Variants in CLIC5 observed in about 807,000 individuals in gnomAD.
The protein encoded by CLIC5 is CLIC family member 5.
Under a neutral mutation model 24.7 loss-of-function variants are expected in CLIC5, and 20 were observed. The observed-to-expected ratio is 0.81, with a 90% CI of 0.57 to 1.18. The LOEUF is 1.18. Among genes scored for constraint, CLIC5 ranks in the 50% most tolerant of loss-of-function variants. The pLI is 0.00. For synonymous variants in CLIC5, 159 were observed against 135.6 expected (o/e 1.17, Z -1.20); for missense variants, 341 against 326.1 (o/e 1.05, Z -0.35).
chr6:45,944,804 C>G (rs115946087), intron 3 of CLIC5, among the ~76,000 whole-genome samples: 3 of 152,136 alleles, frequency 2.0e-5, no homozygotes, highest in Non-Finnish European at 4.4e-5. Context: ...AAAAGAAAGA[C>G]GGTCCTGATG....
chr6:46,100,996 C>T, the CLIC5 span, among the ~76,000 whole-genome samples: 7 of 152,118 alleles, frequency 4.6e-5, no homozygotes, highest in East Asian at 1.9e-4. Flanking sequence ...ACAGGACATA[C>T]GACCTCATCC....
the CLIC5 span, among the ~76,000 whole-genome samples, chr6:46,098,487 T>C: frequency 6.6e-6 from 1 of 152,222 alleles, no homozygotes; most frequent in Non-Finnish European, 1.5e-5. Flanking sequence ...AAGCATGTGC[T>C]TAGGGCAGAC....
chr6:45,967,502 C>T (rs1359635753), intron 1 of CLIC5, among the ~76,000 whole-genome samples: 1 of 152,198 alleles, frequency 6.6e-6, no homozygotes, highest in Non-Finnish European at 1.5e-5. Flanking sequence ...AGAGTTTATT[C>T]ATACAAAGTG....
intron 1 of CLIC5, among the ~76,000 whole-genome samples, chr6:46,008,894 C>T (rs1766698320): frequency 6.6e-6 from 1 of 152,108 alleles, no homozygotes; most frequent in Non-Finnish European, 1.5e-5. Context: ...ATATTTTGTC[C>T]TTTTGATGCT....
chr6:46,098,175 T>C, the CLIC5 span, among the ~76,000 whole-genome samples: 3 of 152,204 alleles, frequency 2.0e-5, no homozygotes, highest in East Asian at 5.8e-4. Context: ...GAAAATAAAG[T>C]TTTACTTTAA....
In CLIC5 at chr6:45,899,293, T is replaced by C. The variant is rs1038065103; in HGVS notation, c.*3795A>G. 1 of 152,210 alleles carries C rather than the reference T, an allele frequency of 6.6e-6. No individual in the cohort carries two copies. The highest frequency in any genetic ancestry group is 1.5e-5 in the Non-Finnish European group (1 of 68,042). The allele number at this position is 152,210 out of a possible 1,614,324, so 9.4% of individuals were successfully genotyped here. On this transcript the variant is annotated 3_prime_UTR_variant, in exon 6 of 6. Coordinates refer to ENST00000339561, the MANE Select transcript of CLIC5 (RefSeq NM_016929.5). ...TTCTCCTTAATGTCATTTAAAAAAA[T>C]AAGAAAGTGATCCCTTGGGAATCAT...
chr6:45,914,379 T>C lies in CLIC5; in HGVS notation c.437A>G (p.Lys146Arg), dbSNP rs760555021. The change falls in exon 5 of 6, where the codon AAG becomes AGG. Residue 146 changes from lysine (K) to arginine (R), a missense_variant. Coordinates refer to ENST00000339561, the MANE Select transcript of CLIC5 (RefSeq NM_016929.5). ...GGTGTTCAGGTAGTCATCCAATTTC[T>C]TTAGAGCCTTGGTTAGGCCTCTTTC... ...ALERGLTKALKKLDDYLNTPL... is the reference protein window; with the variant it reads ...ALERGLTKALRKLDDYLNTPL... 3 of 1,588,308 alleles carry C rather than the reference T, an allele frequency of 1.9e-6. No homozygotes were observed. In the African/African-American group the frequency reaches 4.0e-5, roughly 21 times the overall value.
intron 1 of CLIC5, among the ~76,000 whole-genome samples, chr6:46,013,287 T>C (rs1766870600): frequency 6.6e-6 from 1 of 152,244 alleles, no homozygotes; most frequent in Non-Finnish European, 1.5e-5. Context: ...GGGAATCATG[T>C]ACCTCAGAGA....
At chr6:46,019,505 T>G (rs1159417710), upstream of CLIC5, among the ~76,000 whole-genome samples, 10 of 151,018 alleles carry the variant, frequency 6.6e-5, no homozygotes, top group South Asian at 1.9e-3. Flanking sequence ...GCTAACAAGG[T>G]GAAACCCCGT....
intron 1 of CLIC5, among the ~76,000 whole-genome samples, chr6:45,988,770 C>G (rs189898598): frequency 6.6e-6 from 1 of 152,196 alleles, no homozygotes; most frequent in Non-Finnish European, 1.5e-5. Flanking sequence ...TCCTCCCTTG[C>G]GCTTTGTGGT....
intron 1 of CLIC5, among the ~76,000 whole-genome samples, chr6:46,003,197 A>G (rs186855467): frequency 6.6e-6 from 1 of 152,352 alleles, no homozygotes; most frequent in Admixed American, 6.5e-5. Context: ...CACTGTTGCT[A>G]TTATTCAATT....
chr6:46,050,194 A>G (rs1010199040), intron 1 of CLIC5, among the ~76,000 whole-genome samples: 2 of 152,130 alleles, frequency 1.3e-5, no homozygotes, highest in Non-Finnish European at 2.9e-5. Context: ...CCACATCCCT[A>G]TGCAGAGCAA....
intron 1 of CLIC5, among the ~76,000 whole-genome samples, chr6:46,055,986 A>G (rs576707082): frequency 6.6e-6 from 1 of 152,194 alleles, no homozygotes; most frequent in African/African-American, 2.4e-5. Context: ...TGTGCAAAAC[A>G]AAAGTTCTCT....
intron 6 of CLIC5, among the ~76,000 whole-genome samples, chr6:45,890,282 C>T (rs1762337550): frequency 6.6e-6 from 1 of 152,034 alleles, no homozygotes; most frequent in Non-Finnish European, 1.5e-5. Context: ...CAAAAGAAGA[C>T]ATACCAATGG....
downstream of CLIC5, among the ~76,000 whole-genome samples, chr6:45,896,723 G>A (rs1762398041): frequency 6.6e-6 from 1 of 152,116 alleles, no homozygotes; most frequent in Non-Finnish European, 1.5e-5. Flanking sequence ...TCAATACTAG[G>A]CACAGTCACT....
At chr6:46,080,254 C>G in exon 1 of CLIC5, 2 of 1,545,882 alleles carry the variant, frequency 1.3e-6, no homozygotes, top group Non-Finnish European at 1.7e-6. Flanking sequence ...CTTATTGATC[C>G]GAGAGATCTG....
rs62400461 is a variant in CLIC5, at chr6:45,886,038, T to A, written c.624-4850A>T. ...GGGTGGGACCAATTGGCTAGAGCAG[T>A]AACTGAAAGATGAAACCCCAAATGA... On this transcript the variant is annotated intron_variant, in intron 6 of 6. Transcript: ENST00000644324. Among the ~76,000 whole-genome samples the A allele has an allele frequency of 5.5e-3, 843 of 152,270 alleles. 6 individuals carry two copies. The highest frequency in any genetic ancestry group is 8.6e-3 in the Non-Finnish European group (587 of 68,012).
chr6:45,981,958 A>G (rs1561981911), intron 1 of CLIC5, among the ~76,000 whole-genome samples: 1 of 151,040 alleles, frequency 6.6e-6, no homozygotes, highest in Non-Finnish European at 1.5e-5. Context: ...AGATTGCAGC[A>G]TTGTACTCCA....
At chr6:45,962,001 A>G (rs1044252030) in intron 1 of CLIC5, among the ~76,000 whole-genome samples, 1 of 151,292 alleles carries the variant, frequency 6.6e-6, no homozygotes, top group African/African-American at 2.4e-5. Context: ...CAGAGACAGA[A>G]CCAGCACAAC....
Sources: gnomAD v4.1 joint callset for allele counts (sites outside exome capture counted in the v4.1 genomes callset) on GRCh38, gnomAD v4.1.1 for gene constraint, MANE v1.5 for transcripts, NCBI Gene and HGNC (gene_info 2026-07-23, HGNC 2026-07-21) for gene names.